Variants in SOX6 observed in about 807,000 individuals in gnomAD.
SOX6 encodes transcription factor SOX-6.
In SOX6, 11 loss-of-function variants were observed where a neutral mutation model predicts 97.8. The observed-to-expected ratio is 0.11, with a 90% CI of 0.07 to 0.19. The LOEUF (loss-of-function observed/expected upper bound fraction) is 0.19, where lower values mean the gene tolerates loss of function less well. Among genes scored for constraint, SOX6 ranks in the 10% least tolerant of loss-of-function variants. The probability of loss-of-function intolerance (pLI) is 1.00; values close to 1 mark genes in which losing one functional copy is unlikely to be tolerated. For synonymous variants in SOX6, 360 were observed against 371.4 expected (o/e 0.97, Z 0.35); for missense variants, 810 against 1,039.5 (o/e 0.78, Z 3.04).
chr11:16,729,285 A>C (rs1433543708), intron 2 of SOX6, among the ~76,000 whole-genome samples: 1 of 152,170 alleles, frequency 6.6e-6, no homozygotes, highest in Non-Finnish European at 1.5e-5. Flanking sequence ...TTTCAGATTC[A>C]CCAAGGTTGA....
intron 3 of SOX6, among the ~76,000 whole-genome samples, chr11:16,296,142 A>C (rs949348877): frequency 1.3e-5 from 2 of 152,152 alleles, no homozygotes; most frequent in African/African-American, 2.4e-5. Flanking sequence ...GTAAAATAGT[A>C]TATGCTTTTT....
At chr11:16,639,604 G>A (rs147785582) in intron 3 of SOX6, among the ~76,000 whole-genome samples, 1,859 of 152,266 alleles carry the variant, frequency 0.012, 31 homozygotes, top group African/African-American at 0.042. Context: ...GCAGTAATTT[G>A]TAGTTCTCCT....
In SOX6 at chr11:16,020,535, A is replaced by T. The variant is rs536723197; in HGVS notation, c.1624-5485T>A. 6.2e-4 allele frequency among the ~76,000 whole-genome samples: 94 copies of T among 152,156 alleles called. 1 individual carries two copies. The South Asian group carries it at 0.019, about 31-fold the overall frequency. On this transcript the variant is annotated intron_variant, in intron 12 of 15. Coordinates refer to ENST00000683767, the MANE Select transcript of SOX6 (RefSeq NM_001367873.1). ...CACCTTTTTAAACTCAATTTTCTAC[A>T]GTTCTCCTGTCACATATCCTCTGGT...
Position 16,605,728 on chromosome 11 carries a change from G to A in SOX6, n.609+6353C>T, listed in dbSNP as rs888181225. Among the ~76,000 whole-genome samples, 1 of 152,016 alleles carries A rather than the reference G, an allele frequency of 6.6e-6. No homozygotes were observed. Among genetic ancestry groups the A allele is most frequent in the Non-Finnish European group, 1.5e-5 (1 of 68,002 alleles). ...ACAGCCTAAGTTTCCAAACCGAAAT[G>A]GGGGTGGGGTGGGGGTAGCATTAAG... On this transcript the variant is annotated intron_variant and non_coding_transcript_variant, in intron 4 of 5. Coordinates refer to the SOX6 transcript ENST00000524520. The surrounding 1 kb of genome is among the most constrained non-coding windows in gnomAD (Gnocchi z 5.3).
At chr11:16,008,658 C>T (rs1224028003) in intron 13 of SOX6, among the ~76,000 whole-genome samples, 1 of 152,058 alleles carries the variant, frequency 6.6e-6, no homozygotes, top group Non-Finnish European at 1.5e-5. Flanking sequence ...AAATTGTTTT[C>T]TACCAACATT....
At position 16,434,776 on chromosome 11, in the gene SOX6, A is replaced by G. The variant is rs573984795; in HGVS notation, c.-5+41539T>C. 5.9e-5 allele frequency among the ~76,000 whole-genome samples: 9 copies of G among 152,328 alleles called. No individual in the cohort carries two copies. In the East Asian group the frequency reaches 9.6e-4, roughly 16 times the overall value. On this transcript the variant is annotated intron_variant, in intron 1 of 15. Transcript: ENST00000396356. The stretch of plus-strand genomic sequence containing the variant: ...CAAATATTTGTCTGAGATGCCATAT[A>G]AACTAAACATTAAAAATACTTGAGA...
chr11:16,619,971 T>A (rs1848521616), intron 3 of SOX6, among the ~76,000 whole-genome samples: 1 of 152,168 alleles, frequency 6.6e-6, no homozygotes, highest in Non-Finnish European at 1.5e-5. Flanking sequence ...TAAGAGTTTT[T>A]TAAATGTAAG....
chr11:16,118,710 C>G (rs1276490102), intron 6 of SOX6, among the ~76,000 whole-genome samples: 1 of 152,182 alleles, frequency 6.6e-6, no homozygotes, highest in African/African-American at 2.4e-5. Flanking sequence ...AATATGCAAA[C>G]AGAGTGACAC....
chr11:16,007,313 T>C (rs1024832225), intron 13 of SOX6, among the ~76,000 whole-genome samples: 1 of 152,132 alleles, frequency 6.6e-6, no homozygotes, highest in Non-Finnish European at 1.5e-5. Flanking sequence ...TTGTGTAATT[T>C]GTTTAAACAT....
At position 16,070,829 on chromosome 11, in the gene SOX6, C is replaced by T. The variant is rs916383740; in HGVS notation, c.1102-14928G>A. Among the ~76,000 whole-genome samples the T allele has an allele frequency of 2.0e-5, 3 of 152,172 alleles. No homozygotes were observed. The East Asian group carries it at 5.8e-4, about 29-fold the overall frequency. On this transcript the variant is annotated intron_variant, in intron 9 of 15. Coordinates refer to ENST00000683767, the MANE Select transcript of SOX6 (RefSeq NM_001367873.1). Reference sequence around the variant, plus strand: ...TGTGCAAGACTAGGAATGGGAGAATCCTCCTAACCCCCTATATCCCTCCCA... The same window carrying T: ...TGTGCAAGACTAGGAATGGGAGAATTCTCCTAACCCCCTATATCCCTCCCA...
chr11:16,024,457 AC>A (rs1245306462), intron 12 of SOX6, among the ~76,000 whole-genome samples: 1 of 150,164 alleles, frequency 6.7e-6, no homozygotes, highest in Non-Finnish European at 1.5e-5. Context: ...TTATCTAGAA[AC>A]TTTTTTCTTT....
intron 8 of SOX6, among the ~76,000 whole-genome samples, chr11:16,096,716 C>T (rs16932552): frequency 0.11 from 16,062 of 151,740 alleles, 1,751 homozygotes; most frequent in East Asian, 0.37. Context: ...AGATGCTATT[C>T]TGTAGATAAT....
chr11:16,653,665 TAC>T (rs1020882458), intron 3 of SOX6, among the ~76,000 whole-genome samples: 1 of 152,082 alleles, frequency 6.6e-6, no homozygotes, highest in African/African-American at 2.4e-5. Context: ...ACACATTAGG[TAC>T]AGTGTACACT....
chr11:16,322,409 A>T (rs1855956620), intron 2 of SOX6, among the ~76,000 whole-genome samples: 1 of 152,054 alleles, frequency 6.6e-6, no homozygotes, highest in South Asian at 2.1e-4. Flanking sequence ...CATGATTGTA[A>T]ATTTCCTGAG....
chr11:16,679,734 G>C (rs1847912051), intron 3 of SOX6, among the ~76,000 whole-genome samples: 1 of 151,996 alleles, frequency 6.6e-6, no homozygotes, highest in Non-Finnish European at 1.5e-5. Context: ...TAGAGGAATG[G>C]CTAACTCAAA....
At chr11:16,646,700 T>G (rs1233520856) in intron 3 of SOX6, among the ~76,000 whole-genome samples, 1 of 152,190 alleles carries the variant, frequency 6.6e-6, no homozygotes, top group Non-Finnish European at 1.5e-5. Flanking sequence ...TAGCTCCCAC[T>G]TATGAATGAG....
At chr11:16,505,137 A>T (rs1860765538) in intron 4 of SOX6, among the ~76,000 whole-genome samples, 1 of 152,232 alleles carries the variant, frequency 6.6e-6, no homozygotes, top group Admixed American at 6.5e-5. Flanking sequence ...GAAGGTAGAA[A>T]GATGAGGGAA....
intron 3 of SOX6, among the ~76,000 whole-genome samples, chr11:16,702,689 G>A (rs1848103744): frequency 6.6e-6 from 1 of 151,896 alleles, no homozygotes; most frequent in Non-Finnish European, 1.5e-5. Flanking sequence ...TAGCCATGGA[G>A]AATTTTGAAA....
chr11:16,557,368 G>C (rs1847761129), intron 4 of SOX6, among the ~76,000 whole-genome samples: 1 of 151,744 alleles, frequency 6.6e-6, no homozygotes, highest in African/African-American at 2.4e-5. Context: ...CTCCCCTCTA[G>C]AAAATGTACT....
Sources: allele counts gnomAD v4.1 joint callset (sites outside exome capture counted in the v4.1 genomes callset), GRCh38; gene constraint gnomAD v4.1.1; non-coding constraint Gnocchi (gnomAD v3.1); transcripts MANE v1.5; gene names NCBI Gene and HGNC (gene_info 2026-07-23, HGNC 2026-07-21).